Variants in SLC26A5 observed in about 807,000 individuals in gnomAD.
SLC26A5 encodes solute carrier family 26 member 5.
Under a neutral mutation model 81.0 loss-of-function variants are expected in SLC26A5, and 51 were observed. The observed-to-expected ratio is 0.63, with a 90% confidence interval of 0.50 to 0.80. The LOEUF (loss-of-function observed/expected upper bound fraction) is 0.80. Ranked by LOEUF, SLC26A5 falls within the 30% of genes least tolerant of loss-of-function variation. SLC26A5 has a pLI of 0.00. For synonymous variants in SLC26A5, 325 were observed against 332.8 expected (o/e 0.98, Z 0.25); for missense variants, 771 against 905.8 (o/e 0.85, Z 1.91).
chr7:103,434,797 G>A (rs1299059245), intron 2 of SLC26A5, among the ~76,000 whole-genome samples: 1 of 152,094 alleles, frequency 6.6e-6, no homozygotes, highest in East Asian at 1.9e-4. Flanking sequence ...GAGTACAGGA[G>A]TGCGCCACCA....
intron 2 of SLC26A5, among the ~76,000 whole-genome samples, chr7:103,428,139 C>T (rs1360800883): frequency 6.6e-6 from 1 of 152,142 alleles, no homozygotes. Context: ...AGGCATAAGC[C>T]ACTATGCCTG....
intron 19 of SLC26A5, chr7:103,354,040 TAGA>T (rs1479174906): frequency 3.3e-5 from 37 of 1,125,866 alleles, no homozygotes; most frequent in East Asian, 1.5e-4. Context: ...CCAAAATAAT[TAGA>T]AGAAGTTAAG....
intron 8 of SLC26A5, among the ~76,000 whole-genome samples, chr7:103,402,053 A>G (rs1186127343): frequency 6.6e-6 from 1 of 152,190 alleles, no homozygotes; most frequent in African/African-American, 2.4e-5. Context: ...AGGTTTTGGT[A>G]GCAGGATGAT....
chr7:103,362,378 C>T (rs1234877864), intron 19 of SLC26A5: 6 of 1,338,140 alleles, frequency 4.5e-6, no homozygotes, highest in Non-Finnish European at 5.7e-6. Flanking sequence ...GGAGTACTTG[C>T]TTTAGGATAG....
intron 4 of SLC26A5, among the ~76,000 whole-genome samples, chr7:103,418,504 C>T (rs953428900): frequency 2.0e-5 from 3 of 152,236 alleles, no homozygotes; most frequent in Non-Finnish European, 4.4e-5. Flanking sequence ...CCTCACCCTG[C>T]CCTTGCCCCT....
chr7:103,393,069 GAA>G lies in SLC26A5; in HGVS notation c.972-5_972-4del, dbSNP rs1181881958. ...CCGGATTGGCTGGAGGTAGCAGCCT[GAA>G]AAGTCAAGCTGCCTTTAACTTGTGT... is the stretch of plus-strand genomic sequence containing the variant. On this transcript the variant is annotated splice_polypyrimidine_tract_variant and splice_region_variant and intron_variant, in intron 9 of 19. Transcript: ENST00000306312. 3 of 1,613,764 alleles carry G rather than the reference GAA, an allele frequency of 1.9e-6. No homozygotes were observed. The highest frequency in any genetic ancestry group is 2.5e-6 in the Non-Finnish European group (3 of 1,179,842).
chr7:103,444,798 T>C (rs1324386577), intron 1 of SLC26A5, among the ~76,000 whole-genome samples: 1 of 152,236 alleles, frequency 6.6e-6, no homozygotes, highest in East Asian at 1.9e-4. Context: ...CCTAGGCAAT[T>C]CTTCACCCTA....
intron 2 of SLC26A5, among the ~76,000 whole-genome samples, chr7:103,429,457 A>T (rs767517861): frequency 6.6e-6 from 1 of 152,226 alleles, no homozygotes; most frequent in Non-Finnish European, 1.5e-5. Context: ...ACAGGATGTG[A>T]ACTTTTCTAT....
At chr7:103,394,687 A>G (rs1225956579) in intron 9 of SLC26A5, among the ~76,000 whole-genome samples, 1 of 152,194 alleles carries the variant, frequency 6.6e-6, no homozygotes, top group Non-Finnish European at 1.5e-5. Context: ...GTACGTGTAT[A>G]TAGAAGCATG....
chr7:103,406,146 ACTTGG>A (rs1824031624), intron 8 of SLC26A5, among the ~76,000 whole-genome samples: 1 of 152,144 alleles, frequency 6.6e-6, no homozygotes, highest in Non-Finnish European at 1.5e-5. Context: ...GAGCTAGACC[ACTTGG>A]CTCCCTGCCT....
intron 9 of SLC26A5, among the ~76,000 whole-genome samples, chr7:103,397,357 T>C (rs982522862): frequency 2.6e-5 from 4 of 151,302 alleles, no homozygotes; most frequent in African/African-American, 4.9e-5. Flanking sequence ...CTGGCTAACA[T>C]GGTGAAACCC....
chr7:103,427,508 C>T (rs1328135525), intron 2 of SLC26A5, among the ~76,000 whole-genome samples: 1 of 152,122 alleles, frequency 6.6e-6, no homozygotes, highest in East Asian at 1.9e-4. Flanking sequence ...ACCCTGTCTC[C>T]TATTCAAAGT....
At chr7:103,361,511 A>AG (rs2116222169) in intron 19 of SLC26A5, among the ~76,000 whole-genome samples, 1 of 83,582 alleles carries the variant, frequency 1.2e-5, no homozygotes, top group African/African-American at 6.8e-5. Context: ...ACTCCATCTC[A>AG]AAAAAAAAAA....
chr7:103,354,956 AT>A, intron 19 of SLC26A5: 1 of 1,567,298 alleles, frequency 6.4e-7, no homozygotes. Context: ...ACTGGTATGT[AT>A]TTTTAAATTC....
intron 4 of SLC26A5, among the ~76,000 whole-genome samples, chr7:103,416,800 C>A (rs73414107): frequency 6.6e-6 from 1 of 151,806 alleles, no homozygotes. Context: ...CTTTTATTGT[C>A]ATTTTAGAGG....
In SLC26A5 at chr7:103,399,611, T is replaced by C. The variant is rs1002485230; in HGVS notation, c.889-1597A>G. 2.0e-5 allele frequency among the ~76,000 whole-genome samples: 3 copies of C among 152,316 alleles called. No homozygotes were observed. The East Asian group carries it at 5.8e-4, about 29-fold the overall frequency. On this transcript the variant is annotated intron_variant, in intron 8 of 19. Coordinates refer to ENST00000306312, the MANE Select transcript of SLC26A5 (RefSeq NM_198999.3). Reference sequence around the variant, plus strand: ...ATTTATTATACTTTAAGTTCTGGGATACATGTGCAGAATGTGCAGGTTACA... The same window carrying C: ...ATTTATTATACTTTAAGTTCTGGGACACATGTGCAGAATGTGCAGGTTACA...
chr7:103,379,847 A>T (rs1328588943), intron 15 of SLC26A5, among the ~76,000 whole-genome samples: 2 of 152,196 alleles, frequency 1.3e-5, no homozygotes, highest in Non-Finnish European at 2.9e-5. Flanking sequence ...GGCAGGCTGG[A>T]AACAAGCAAT....
At chr7:103,365,792 G>C (rs1046332376) in intron 19 of SLC26A5, among the ~76,000 whole-genome samples, 65 of 152,204 alleles carry the variant, frequency 4.3e-4, no homozygotes, top group African/African-American at 1.5e-3. Context: ...GCGGGGTGTG[G>C]TGACACATGC....
chr7:103,420,950 T>G lies in SLC26A5; in HGVS notation c.153-73A>C. 3 of 1,490,422 alleles carry G rather than the reference T, an allele frequency of 2.0e-6. No homozygotes were observed. The East Asian group carries it at 6.8e-5, about 34-fold the overall frequency. 92.3% of individuals were successfully genotyped at this position (1,490,422 alleles called of 1,614,324 possible). On this transcript the variant is annotated intron_variant, in intron 3 of 19. Transcript: ENST00000306312. ...CTCTGTAGAATTCAAACCAAAGCAT[T>G]TTCCCTTCCTTATTCCCAGGAGCAA... is the stretch of plus-strand genomic sequence containing the variant.
Sources: gnomAD v4.1 joint callset for allele counts (sites outside exome capture counted in the v4.1 genomes callset) on GRCh38, gnomAD v4.1.1 for gene constraint, MANE v1.5 for transcripts, NCBI Gene and HGNC (gene_info 2026-07-23, HGNC 2026-07-21) for gene names.